BFSP1: variants seen among roughly 807,000 people sequenced by gnomAD.
BFSP1 encodes filensin.
A neutral mutation model predicts 43.9 loss-of-function variants in BFSP1; 38 were observed. That is an observed-to-expected ratio of 0.87 (90% CI 0.67 to 1.14). BFSP1 has a LOEUF of 1.14. Among genes scored for constraint, BFSP1 ranks in the 50% most tolerant of loss-of-function variants. The pLI, the probability that BFSP1 is intolerant of heterozygous loss-of-function variation, is 0.00. For missense variants in BFSP1, 850 were observed against 875.1 expected, an observed-to-expected ratio of 0.97 and a Z score of 0.36; for synonymous variants, 352 against 354.8, an observed-to-expected ratio of 0.99 and a Z score of 0.09.
Position 17,507,272 on chromosome 20 carries a change from G to GGTGTGTGTGTGTGT in BFSP1, c.735+1603_735+1616dup, listed in dbSNP as rs373485156. Among the ~76,000 whole-genome samples the GGTGTGTGTGTGTGT allele has an allele frequency of 7.1e-6, 1 of 141,226 alleles. No individual in the cohort carries two copies. Among genetic ancestry groups the GGTGTGTGTGTGTGT allele is most frequent in the African/African-American group, 2.6e-5 (1 of 37,768 alleles). 92.6% of individuals were successfully genotyped at this position (141,226 alleles called of 152,430 possible). ...GCGAGCCATACACATCAGATAGGTA[G>GGTGTGTGTGTGTGT]GTGTGTGTGTGTGTGTGTGTGTGTG... is the stretch of plus-strand genomic sequence containing the variant. On this transcript the variant is annotated intron_variant, in intron 5 of 7. Coordinates refer to ENST00000377873, the MANE Select transcript of BFSP1 (RefSeq NM_001195.5). This position sits in a 1 kb window ranked among gnomAD's most constrained non-coding sequence, Gnocchi z 4.4.
Position 17,497,150 on chromosome 20 carries a change from T to A in BFSP1, c.957-127A>T, listed in dbSNP as rs1398544506. 4 of 638,446 alleles carry A rather than the reference T, an allele frequency of 6.3e-6. No individual in the cohort carries two copies. In the Admixed American group the frequency reaches 1.5e-4, roughly 24 times the overall value. The allele number at this position is 638,446 out of a possible 1,614,324, so 39.5% of individuals were successfully genotyped here. ...AAATTGCTCACGAATTAGATATCAT[T>A]TTAAACAGACAGCCATACACACATT... On this transcript the variant is annotated intron_variant, in intron 6 of 7. Coordinates refer to ENST00000377873, the MANE Select transcript of BFSP1 (RefSeq NM_001195.5).
chr20:17,519,036 T>C (rs1600655836), intron 2 of BFSP1, among the ~76,000 whole-genome samples: 1 of 151,932 alleles, frequency 6.6e-6, no homozygotes. Flanking sequence ...GGGCCAGAGG[T>C]GCAGGAGTAT....
At chr20:17,547,626 G>A (rs772768752) in intron 1 of BFSP1, among the ~76,000 whole-genome samples, 1 of 152,118 alleles carries the variant, frequency 6.6e-6, no homozygotes, top group Non-Finnish European at 1.5e-5. Flanking sequence ...AAAGAAATTG[G>A]ATGGCATTTG....
chr20:17,557,209 T>C (rs2035006064), intron 1 of BFSP1, among the ~76,000 whole-genome samples: 1 of 152,152 alleles, frequency 6.6e-6, no homozygotes, highest in Admixed American at 6.5e-5. Context: ...AAAGGAGAAG[T>C]CCGTTTCTGC....
intron 1 of BFSP1, among the ~76,000 whole-genome samples, chr20:17,528,057 T>C (rs913256245): frequency 6.6e-6 from 1 of 152,168 alleles, no homozygotes; most frequent in African/African-American, 2.4e-5. Context: ...TACTAACCCA[T>C]TGCTGCATTA....
chr20:17,503,518 CA>C (rs374666585), intron 5 of BFSP1, among the ~76,000 whole-genome samples: 3 of 152,186 alleles, frequency 2.0e-5, no homozygotes, highest in African/African-American at 7.2e-5. Flanking sequence ...GTCAACTCAT[CA>C]ACCTCACAAC....
chr20:17,558,099 G>T (rs1191864154), intron 1 of BFSP1, among the ~76,000 whole-genome samples: 1 of 150,964 alleles, frequency 6.6e-6, no homozygotes, highest in Admixed American at 6.6e-5. Flanking sequence ...AAGATGGCTA[G>T]CATCTTATAC....
chr20:17,543,855 G>C (rs141228151), intron 1 of BFSP1, among the ~76,000 whole-genome samples: 44 of 152,354 alleles, frequency 2.9e-4, no homozygotes, highest in Admixed American at 6.5e-4. Flanking sequence ...ACTTACACAA[G>C]ACACTGAACC....
chr20:17,526,148 G>A (rs562793731), intron 1 of BFSP1, among the ~76,000 whole-genome samples: 9 of 100,096 alleles, frequency 9.0e-5, no homozygotes, highest in African/African-American at 3.0e-4. Context: ...TGGCGGGGGG[G>A]GGGGGGGGGG....
At chr20:17,511,947 G>C (rs747773696) in intron 4 of BFSP1, 29 bp downstream of exon 4, 3 of 1,550,700 alleles carry the variant, frequency 1.9e-6, no homozygotes, top group South Asian at 2.2e-5. Flanking sequence ...CTCCAGGGCT[G>C]GTTTGCCTTT....
chr20:17,541,571 A>G (rs2034719270), intron 1 of BFSP1, among the ~76,000 whole-genome samples: 3 of 152,262 alleles, frequency 2.0e-5, no homozygotes, highest in East Asian at 3.8e-4. Context: ...CTATAGTTAT[A>G]AGACACATGA....
Position 17,526,895 on chromosome 20 carries a change from G to A in BFSP1, c.378-1987C>T, listed in dbSNP as rs149196367. 2.7e-3 allele frequency among the ~76,000 whole-genome samples: 412 copies of A among 152,278 alleles called. 3 individuals carry two copies. Among genetic ancestry groups the A allele is most frequent in the African/African-American group, 9.5e-3 (395 of 41,546 alleles). On this transcript the variant is annotated intron_variant, in intron 1 of 7. Transcript: ENST00000377873. ...ATTGGTCTGAAGTGGGTCAATGTCA[G>A]TTTGGAGTTTCTGTCCTTTATAGTT...
At chr20:17,502,706 A>T (rs559287058) in intron 5 of BFSP1, among the ~76,000 whole-genome samples, 2 of 152,218 alleles carry the variant, frequency 1.3e-5, no homozygotes, top group Non-Finnish European at 2.9e-5. Flanking sequence ...ATAAAACAAG[A>T]GTCCCCTTCC....
intron 3 of BFSP1, among the ~76,000 whole-genome samples, chr20:17,514,355 TA>T (rs1342990328): frequency 6.6e-6 from 1 of 152,138 alleles, no homozygotes; most frequent in Non-Finnish European, 1.5e-5. Context: ...CTCCTGCAAT[TA>T]ACGGGCTCAG....
At chr20:17,513,397 C>T (rs890719400) in intron 3 of BFSP1, among the ~76,000 whole-genome samples, 1 of 152,114 alleles carries the variant, frequency 6.6e-6, no homozygotes, top group Non-Finnish European at 1.5e-5. Context: ...TCATCATCAC[C>T]GTCATCATCA....
chr20:17,512,127 A>C, intron 3 of BFSP1, 59 bp from the exon 4 acceptor site: 2 of 1,416,420 alleles, frequency 1.4e-6, no homozygotes, highest in South Asian at 2.3e-5. Flanking sequence ...TTTTCCTTCT[A>C]GTACTAGATG....
rs901544345 is a variant in BFSP1 at position 17,517,187 on chromosome 20, C to A, written c.439-2371G>T. The A allele has an allele frequency of 2.5e-5, 21 of 832,962 alleles. No homozygotes were observed. The African/African-American group carries it at 2.8e-4, about 11-fold the overall frequency. The allele number at this position is 832,962 out of a possible 1,614,324, so 51.6% of individuals were successfully genotyped here. A position where few individuals can be genotyped will look rare whatever the true frequency, so the allele number is the denominator to read the frequency against. On this transcript the variant is annotated intron_variant, in intron 2 of 7. Coordinates refer to ENST00000377873, the MANE Select transcript of BFSP1 (RefSeq NM_001195.5). ...TAGACGAGAATGGCAAAATTAGTCA[C>A]CTTCATCGAGAGTGCCCTTCTGATG...
At chr20:17,504,344 A>C (rs990304580) in intron 5 of BFSP1, among the ~76,000 whole-genome samples, 6 of 152,124 alleles carry the variant, frequency 3.9e-5, no homozygotes, top group Admixed American at 3.9e-4. Context: ...CAGAAGGAAG[A>C]GTGTTCAGGA....
rs747285646 is a variant in BFSP1 at position 17,494,580 on chromosome 20, A to C, written c.1492T>G (p.Ser498Ala). The C allele has an allele frequency of 3.1e-6, 5 of 1,614,088 alleles. No homozygotes were observed. In the African/African-American group the frequency reaches 5.3e-5, roughly 17 times the overall value. Reference protein sequence around the residue: ...SITAKGGVAVSVAEDSVLYDG... With the variant: ...SITAKGGVAVAVAEDSVLYDG... ...TAAAGCACAGAGTCTTCCGCAACAG[A>C]AACAGCCACCCCACCTTTAGCTGTG... Residue 498 changes from serine to alanine, a missense_variant, in exon 8 of 8, where the codon TCT becomes GCT. By Grantham distance (99) the Ser-to-Ala change is moderately conservative. Coordinates refer to ENST00000377873, the MANE Select transcript of BFSP1 (RefSeq NM_001195.5).
Sources: allele counts gnomAD v4.1 joint callset (sites outside exome capture counted in the v4.1 genomes callset), GRCh38; gene constraint gnomAD v4.1.1; non-coding constraint Gnocchi (gnomAD v3.1); transcripts MANE v1.5; gene names NCBI Gene and HGNC (gene_info 2026-07-23, HGNC 2026-07-21).